Variants in SYK observed in about 807,000 individuals in gnomAD.
The protein encoded by SYK is tyrosine-protein kinase SYK.
A neutral mutation model predicts 77.8 loss-of-function variants in SYK; 16 were observed. That is an observed-to-expected ratio of 0.21 (90% CI 0.14 to 0.31). The LOEUF is 0.31. Among genes scored for constraint, SYK ranks in the 10% least tolerant of loss-of-function variants. SYK has a pLI of 1.00. For missense variants in SYK, 529 were observed against 814.4 expected (o/e 0.65, Z 4.26); for synonymous variants, 312 against 308.7 (o/e 1.01, Z -0.11).
At chr9:90,837,080 G>A (rs999127111) in intron 1 of SYK, among the ~76,000 whole-genome samples, 2 of 151,978 alleles carry the variant, frequency 1.3e-5, no homozygotes, top group Admixed American at 6.5e-5. Context: ...TATGTTATAG[G>A]TAAGCCTTCT....
intron 6 of SYK, among the ~76,000 whole-genome samples, chr9:90,865,831 A>G (rs757078538): frequency 6.6e-6 from 1 of 150,434 alleles, no homozygotes; most frequent in Non-Finnish European, 1.5e-5. Flanking sequence ...GAAGTCAGGT[A>G]CAGATTTATG....
intron 3 of SYK, among the ~76,000 whole-genome samples, chr9:90,852,713 A>G (rs1826865389): frequency 6.6e-6 from 1 of 152,236 alleles, no homozygotes; most frequent in Non-Finnish European, 1.5e-5. Context: ...TAAGTCACCA[A>G]TGCTATTTTA....
intron 3 of SYK, among the ~76,000 whole-genome samples, chr9:90,848,890 G>A (rs1360720565): frequency 6.6e-6 from 1 of 152,230 alleles, no homozygotes; most frequent in Non-Finnish European, 1.5e-5. Context: ...TGCGTGGGGA[G>A]GATGGACCTT....
Position 90,895,764 on chromosome 9 carries a change from C to T in SYK, c.*164C>T. ...CACCCAAAGCCTGTCCCAGGACTCA[C>T]CCTCCACAAAGCAAAGGCAGTCCCG... On this transcript the variant is annotated 3_prime_UTR_variant, in exon 14 of 14. Transcript: ENST00000375754. This position sits in a 1 kb window ranked among gnomAD's most constrained non-coding sequence, Gnocchi z 4.4. 1 of 615,886 alleles carries T rather than the reference C, an allele frequency of 1.6e-6. No individual in the cohort carries two copies. The allele number at this position is 615,886 out of a possible 1,614,324, so 38.2% of individuals were successfully genotyped here. A position where few individuals can be genotyped will look rare whatever the true frequency, so the allele number is the denominator to read the frequency against.
At chr9:90,883,686 C>T (rs1024314215) in intron 11 of SYK, among the ~76,000 whole-genome samples, 2 of 152,118 alleles carry the variant, frequency 1.3e-5, no homozygotes, top group African/African-American at 4.8e-5. Context: ...AATACTTGAG[C>T]ATGACATCCT....
chr9:90,840,111 A>G (rs1030747831), intron 1 of SYK, among the ~76,000 whole-genome samples: 1 of 152,188 alleles, frequency 6.6e-6, no homozygotes, highest in Admixed American at 6.5e-5. Context: ...AACATGCACC[A>G]AGGGCGCCTG....
rs181995671 is a variant in SYK, at chr9:90,867,681, G to A, written c.915+482G>A. On this transcript the variant is annotated intron_variant, in intron 7 of 13. Transcript: ENST00000375754. ...ATGGTAACTTCATTATGGCTTAGAC[G>A]TCTAACATAGAACTGCAAATGTGAC... Among the ~76,000 whole-genome samples the A allele has an allele frequency of 6.1e-4, 93 of 152,230 alleles. 1 individual carries two copies. In the South Asian group the frequency reaches 0.011, roughly 18 times the overall value.
chr9:90,889,989 T>G (rs1587927004), intron 13 of SYK, among the ~76,000 whole-genome samples: 1 of 152,340 alleles, frequency 6.6e-6, no homozygotes, highest in Non-Finnish European at 1.5e-5. Context: ...AGGCTTCCCT[T>G]CTTGTAGAAG....
At chr9:90,880,030 C>G (rs77826022) in intron 11 of SYK, among the ~76,000 whole-genome samples, 1 of 152,174 alleles carries the variant, frequency 6.6e-6, no homozygotes, top group African/African-American at 2.4e-5. Context: ...AAGAGGGTGC[C>G]GAAGGCAGGT....
At chr9:90,893,058 G>A (rs750253295) in intron 13 of SYK, among the ~76,000 whole-genome samples, 1 of 152,210 alleles carries the variant, frequency 6.6e-6, no homozygotes, top group African/African-American at 2.4e-5. Flanking sequence ...TATGCAGGCT[G>A]CCACCCCAGG....
At chr9:90,829,719 A>G (rs1825810591) in intron 1 of SYK, among the ~76,000 whole-genome samples, 2 of 152,214 alleles carry the variant, frequency 1.3e-5, no homozygotes, top group African/African-American at 2.4e-5. Context: ...CAACAAGCAT[A>G]TTGAATGAAT....
intron 7 of SYK, among the ~76,000 whole-genome samples, chr9:90,873,734 G>A (rs1377470195): frequency 6.6e-6 from 1 of 152,206 alleles, no homozygotes; most frequent in Non-Finnish European, 1.5e-5. Flanking sequence ...ACATATGTGC[G>A]TTGGAGTTGG....
intron 10 of SYK, among the ~76,000 whole-genome samples, chr9:90,878,539 A>G (rs959319023): frequency 6.6e-6 from 1 of 152,144 alleles, no homozygotes; most frequent in African/African-American, 2.4e-5. Flanking sequence ...TTTTCTTGCA[A>G]TTCCAAGCAT....
rs1022458172 is a variant in SYK at position 90,897,660 on chromosome 9, T to G, written c.*2060T>G. ...TTTTTGGCCTTTTTATCAGCACTTC[T>G]CCCCTCCCAGGAGCCTGGGGATGCC... On this transcript the variant is annotated 3_prime_UTR_variant, in exon 14 of 14. Transcript: ENST00000375754. 4.4e-5 allele frequency: 10 copies of G among 225,276 alleles called. No individual in the cohort carries two copies. Among genetic ancestry groups the G allele is most frequent in the African/African-American group, 2.2e-4 (10 of 44,898 alleles). The allele number at this position is 225,276 out of a possible 1,614,324, so 14.0% of individuals were successfully genotyped here.
chr9:90,850,860 G>C (rs940444527), intron 3 of SYK, among the ~76,000 whole-genome samples: 1 of 151,986 alleles, frequency 6.6e-6, no homozygotes, highest in Non-Finnish European at 1.5e-5. Context: ...AAAACACTGA[G>C]GGTAAGGCAG....
At chr9:90,866,431 G>T (rs1348059329) in intron 6 of SYK, among the ~76,000 whole-genome samples, 3 of 152,176 alleles carry the variant, frequency 2.0e-5, no homozygotes, top group Admixed American at 6.5e-5. Context: ...AAATACCAGT[G>T]ACCTTTGGGA....
intron 13 of SYK, among the ~76,000 whole-genome samples, chr9:90,889,917 C>T (rs1487183781): frequency 2.0e-5 from 3 of 152,206 alleles, no homozygotes; most frequent in East Asian, 3.8e-4. Context: ...CCCTTGGGCA[C>T]GTGGCAGCCT....
intron 3 of SYK, among the ~76,000 whole-genome samples, chr9:90,848,974 G>A (rs988815748): frequency 6.6e-6 from 1 of 152,228 alleles, no homozygotes; most frequent in Non-Finnish European, 1.5e-5. Context: ...TGGCAAATTC[G>A]AATGCCCTGT....
At chr9:90,867,336 G>C in intron 7 of SYK, 137 bp downstream of exon 7, 1 of 845,410 alleles carries the variant, frequency 1.2e-6, no homozygotes, top group Non-Finnish European at 1.9e-6. Flanking sequence ...CTTTGCCCTT[G>C]CTCACACCTG....
Sources: gnomAD v4.1 joint callset for allele counts (sites outside exome capture counted in the v4.1 genomes callset) on GRCh38, gnomAD v4.1.1 for gene constraint, Gnocchi (gnomAD v3.1) non-coding constraint, MANE v1.5 for transcripts, NCBI Gene and HGNC (gene_info 2026-07-23, HGNC 2026-07-21) for gene names.